The following RGS5 variants were observed in gnomAD, a reference collection of about 807,000 sequenced individuals.
RGS5 encodes the protein regulator of G-protein signalling 5.
In RGS5, 20 loss-of-function variants were observed where a neutral mutation model predicts 18.9. That is an observed-to-expected ratio of 1.06 (90% CI 0.74 to 1.54). The LOEUF (loss-of-function observed/expected upper bound fraction) is 1.54. Ranked by LOEUF, RGS5 falls within the 40% of genes most tolerant of loss-of-function variation. The pLI is 0.00. For missense variants in RGS5, 201 were observed against 211.8 expected, an observed-to-expected ratio of 0.95 and a Z score of 0.32; for synonymous variants, 57 against 76.2, an observed-to-expected ratio of 0.75 and a Z score of 1.31.
intron 2 of RGS5, among the ~76,000 whole-genome samples, chr1:163,251,849 T>C (rs1412489881): frequency 6.6e-6 from 1 of 152,196 alleles, no homozygotes; most frequent in Non-Finnish European, 1.5e-5. Flanking sequence ...ATGTATCGAT[T>C]GTTGACTCAT....
At chr1:163,224,379 G>A (rs553996582) in intron 2 of RGS5, among the ~76,000 whole-genome samples, 1 of 152,146 alleles carries the variant, frequency 6.6e-6, no homozygotes, top group Non-Finnish European at 1.5e-5. Flanking sequence ...CAAATGAAAG[G>A]AGTTTCTCTT....
At chr1:163,227,568 C>T (rs767541954) in intron 2 of RGS5, among the ~76,000 whole-genome samples, 1 of 151,910 alleles carries the variant, frequency 6.6e-6, no homozygotes, top group Non-Finnish European at 1.5e-5. Context: ...CACAGCCAAA[C>T]CATATCATTC....
intron 2 of RGS5, among the ~76,000 whole-genome samples, chr1:163,241,539 G>T (rs558623125): frequency 6.6e-6 from 1 of 152,074 alleles, no homozygotes; most frequent in African/African-American, 2.4e-5. Context: ...TCTGGTTTAC[G>T]GTTTCCTTCC....
chr1:163,313,223 A>G (rs988152995), intron 1 of RGS5, among the ~76,000 whole-genome samples: 3 of 152,190 alleles, frequency 2.0e-5, no homozygotes, highest in Middle Eastern at 3.2e-3. Flanking sequence ...CATGCAGAAA[A>G]ATAGTTATTT....
At chr1:163,243,467 G>T (rs1485778420) in intron 2 of RGS5, among the ~76,000 whole-genome samples, 1 of 151,858 alleles carries the variant, frequency 6.6e-6, no homozygotes, top group Admixed American at 6.6e-5. Flanking sequence ...CTAACACAGT[G>T]AAACCCTGTC....
At chr1:163,147,923 T>TTTTCTTTTC (rs1450642560) in intron 4 of RGS5, among the ~76,000 whole-genome samples, 16 of 132,642 alleles carry the variant, frequency 1.2e-4, no homozygotes, top group South Asian at 2.6e-4. Flanking sequence ...TTTTTCTTTT[T>TTTTCTTTTC]TTTTTTTTTT....
upstream of RGS5, among the ~76,000 whole-genome samples, chr1:163,207,719 AAAG>A (rs1393827019): frequency 2.0e-5 from 3 of 152,190 alleles, no homozygotes; most frequent in African/African-American, 7.2e-5. Flanking sequence ...AAAATGGGAG[AAAG>A]AAGAAAAGTA....
At chr1:163,278,848 T>C (rs981060153) in intron 2 of RGS5, among the ~76,000 whole-genome samples, 15 of 151,730 alleles carry the variant, frequency 9.9e-5, no homozygotes, top group Middle Eastern at 3.4e-3. Context: ...AGTGAAGGAA[T>C]AGAAAAAAAC....
chr1:163,308,916 G>C (rs1223463602), intron 1 of RGS5, among the ~76,000 whole-genome samples: 2 of 152,168 alleles, frequency 1.3e-5, no homozygotes, highest in East Asian at 3.9e-4. Flanking sequence ...AAAATATTAT[G>C]TCTAAAAATA....
chr1:163,182,646 G>A (rs1658902355), intron 1 of RGS5, among the ~76,000 whole-genome samples: 1 of 152,148 alleles, frequency 6.6e-6, no homozygotes, highest in Non-Finnish European at 1.5e-5. Context: ...TGGCAGGATG[G>A]CTGGACTTTT....
chr1:163,262,955 A>G lies in RGS5; in HGVS notation c.-281+43278T>C, dbSNP rs141984538. 1.5e-3 allele frequency among the ~76,000 whole-genome samples: 230 copies of G among 152,224 alleles called. 1 individual carries two copies. The highest frequency in any genetic ancestry group is 5.0e-3 in the African/African-American group (208 of 41,534). On this transcript the variant is annotated intron_variant, in intron 2 of 5. Transcript: ENST00000618415. ...GTGGTAAATTCTCTACTGGGCATGG[A>G]GGTGCAATTAATTTCATAAACTGAT... is the stretch of plus-strand genomic sequence containing the variant.
chr1:163,213,710 T>C (rs1355512210), intron 1 of RGS5, among the ~76,000 whole-genome samples: 1 of 152,206 alleles, frequency 6.6e-6, no homozygotes, highest in Admixed American at 6.5e-5. Context: ...TTTTTCCTCC[T>C]ACGCTCCAAG....
At position 163,143,873 on chromosome 1, in the gene RGS5, T is replaced by G. The variant is rs1657019318; in HGVS notation, c.*3469A>C. 1 of 152,162 alleles carries G rather than the reference T, an allele frequency of 6.6e-6. No individual in the cohort carries two copies. Among genetic ancestry groups the G allele is most frequent in the Non-Finnish European group, 1.5e-5 (1 of 68,020 alleles). The allele number at this position is 152,162 out of a possible 1,614,324, so 9.4% of individuals were successfully genotyped here. A position where few individuals can be genotyped will look rare whatever the true frequency, so the allele number is the denominator to read the frequency against. On this transcript the variant is annotated 3_prime_UTR_variant, in exon 5 of 5. Coordinates refer to ENST00000313961, the MANE Select transcript of RGS5 (RefSeq NM_003617.4). ...TAATTTATTTGTTAATGGCCCAGTT[T>G]TTATTGAAACTTTTGCATGTCTATT...
At chr1:163,268,212 C>T (rs1055892984) in intron 2 of RGS5, among the ~76,000 whole-genome samples, 1 of 152,102 alleles carries the variant, frequency 6.6e-6, no homozygotes, top group Admixed American at 6.6e-5. Flanking sequence ...ACAAACAATA[C>T]CCTCCTTATT....
chr1:163,163,049 G>T (rs987337226), intron 2 of RGS5, among the ~76,000 whole-genome samples: 9 of 145,352 alleles, frequency 6.2e-5, no homozygotes, highest in Non-Finnish European at 1.2e-4. Context: ...CGGGGGGGGG[G>T]GTGGTTAATT....
At chr1:163,298,221 C>CAT (rs1466031364) in intron 2 of RGS5, among the ~76,000 whole-genome samples, 1 of 152,040 alleles carries the variant, frequency 6.6e-6, no homozygotes, top group Non-Finnish European at 1.5e-5. Flanking sequence ...ATAGAGAAGA[C>CAT]ATATGCATGT....
Position 163,174,140 on chromosome 1 carries a change from T to A in RGS5, c.45-5772A>T, listed in dbSNP as rs186588864. On this transcript the variant is annotated intron_variant, in intron 1 of 4. Coordinates refer to ENST00000313961, the MANE Select transcript of RGS5 (RefSeq NM_003617.4). The stretch of plus-strand genomic sequence containing the variant: ...ACCTCAAGGAGCCCTAACTTCCCAA[T>A]GTGCAATGGGAGATATTATATACCT... Among the ~76,000 whole-genome samples the A allele has an allele frequency of 2.8e-3, 423 of 152,268 alleles. 4 individuals are homozygous for A. Among genetic ancestry groups the A allele is most frequent in the Non-Finnish European group, 3.5e-3 (237 of 68,024 alleles).
chr1:163,148,060 T>C (rs1442073172), intron 4 of RGS5, among the ~76,000 whole-genome samples: 1 of 151,838 alleles, frequency 6.6e-6, no homozygotes, highest in African/African-American at 2.4e-5. Flanking sequence ...CCCAACTAGC[T>C]GGGTTACAGG....
intron 1 of RGS5, 63 bp downstream of exon 1, chr1:163,202,729 G>GC: frequency 6.7e-7 from 1 of 1,491,410 alleles, no homozygotes; most frequent in Non-Finnish European, 9.3e-7. Context: ...CCACTGGGCA[G>GC]CCTCCCTTGA....
Sources: gnomAD v4.1 joint callset for allele counts (sites outside exome capture counted in the v4.1 genomes callset) on GRCh38, gnomAD v4.1.1 for gene constraint, MANE v1.5 for transcripts, NCBI Gene and HGNC (gene_info 2026-07-23, HGNC 2026-07-21) for gene names.